CACNG3: variants seen among roughly 807,000 people sequenced by gnomAD.
CACNG3 encodes voltage-dependent calcium channel gamma-3 subunit.
CACNG3 carries 3 observed loss-of-function variants against 28.5 expected under a neutral mutation model. The observed-to-expected ratio is 0.11, with a 90% CI of 0.05 to 0.27. The LOEUF (loss-of-function observed/expected upper bound fraction) is 0.27. Among genes scored for constraint, CACNG3 ranks in the 10% least tolerant of loss-of-function variants. CACNG3 has a pLI of 1.00. For synonymous variants in CACNG3, 174 were observed against 162.2 expected (o/e 1.07, Z -0.55); for missense variants, 236 against 414.4 (o/e 0.57, Z 3.74).
chr16:24,265,710 A>G (rs1308224580), intron 1 of CACNG3, among the ~76,000 whole-genome samples: 1 of 152,240 alleles, frequency 6.6e-6, no homozygotes, highest in Admixed American at 6.5e-5. Context: ...ATATTTCATG[A>G]CAAATAAAAA....
chr16:24,312,920 GAAGAAAGAAAGAAAGA>G lies in CACNG3; in HGVS notation c.212-33793_212-33778del, dbSNP rs374395697. ...GGAAAGAAAGAAGGAAGGAAGGAAG[GAAGAAAGAAAGAAAGA>G]AAGAAAGAAAGAAAGAAAGAGAAAG... On this transcript the variant is annotated intron_variant, in intron 1 of 3. Coordinates refer to ENST00000005284, the MANE Select transcript of CACNG3 (RefSeq NM_006539.4). 1.5e-4 allele frequency among the ~76,000 whole-genome samples: 18 copies of G among 122,130 alleles called. No individual in the cohort carries two copies. In the South Asian group the frequency reaches 1.8e-3, roughly 12 times the overall value. 80.1% of individuals were successfully genotyped at this position (122,130 alleles called of 152,430 possible).
intron 1 of CACNG3, among the ~76,000 whole-genome samples, chr16:24,327,030 A>T (rs918472476): frequency 1.4e-5 from 2 of 138,750 alleles, no homozygotes; most frequent in African/African-American, 5.3e-5. Flanking sequence ...GGGATGAAGG[A>T]GGTGGCGGTA....
intron 1 of CACNG3, among the ~76,000 whole-genome samples, chr16:24,338,253 A>G (rs1256411332): frequency 6.6e-6 from 1 of 152,072 alleles, no homozygotes; most frequent in East Asian, 1.9e-4. Flanking sequence ...CTTCTGCAAC[A>G]ACCCTATCCA....
At chr16:24,351,557 C>T (rs181215343) in intron 2 of CACNG3, among the ~76,000 whole-genome samples, 2,399 of 125,070 alleles carry the variant, frequency 0.019, 63 homozygotes, top group African/African-American at 0.067. Flanking sequence ...GGTGACAGAG[C>T]GAGACTCCAT....
chr16:24,361,720 C>T lies in CACNG3; in HGVS notation c.805C>T (p.Arg269Trp), dbSNP rs757999426. Residue 269 changes from arginine to tryptophan, a missense_variant, in exon 4 of 4, where the codon CGG (arginine) becomes TGG (tryptophan). Arg to Trp is a moderately radical substitution (Grantham distance 101). Transcript: ENST00000005284. This position sits in a 1 kb window ranked among gnomAD's most constrained non-coding sequence, Gnocchi z 6.8. ...STDISMFTLS[R>W]DPSKITMGTL... ...TGACATCTCGATGTTCACCCTCTCCCGGGACCCCTCAAAGATCACCATGGG... is the reference window on the plus strand; with the variant it reads ...TGACATCTCGATGTTCACCCTCTCCTGGGACCCCTCAAAGATCACCATGGG... 3 of 1,614,028 alleles carry T rather than the reference C, an allele frequency of 1.9e-6. No individual in the cohort carries two copies. The highest frequency in any genetic ancestry group is 1.7e-6 in the Non-Finnish European group (2 of 1,180,002).
At chr16:24,296,918 A>G (rs995169284) in intron 1 of CACNG3, among the ~76,000 whole-genome samples, 1 of 152,184 alleles carries the variant, frequency 6.6e-6, no homozygotes, top group African/African-American at 2.4e-5. Flanking sequence ...TGCAGCCACA[A>G]GCAATGATCC....
At chr16:24,261,875 G>T in intron 1 of CACNG3, among the ~76,000 whole-genome samples, 1 of 152,098 alleles carries the variant, frequency 6.6e-6, no homozygotes, top group East Asian at 1.9e-4. Flanking sequence ...AGCCAGACGG[G>T]GTTTCAGCTT....
chr16:24,321,146 A>G (rs1360086819), intron 1 of CACNG3, among the ~76,000 whole-genome samples: 1 of 152,168 alleles, frequency 6.6e-6, no homozygotes, highest in East Asian at 1.9e-4. Flanking sequence ...GTAGATGCTA[A>G]CCACCTGTTA....
At chr16:24,320,626 T>C (rs1488220684) in intron 1 of CACNG3, among the ~76,000 whole-genome samples, 1 of 152,232 alleles carries the variant, frequency 6.6e-6, no homozygotes, top group African/African-American at 2.4e-5. Context: ...TATTTCACTG[T>C]GTTCTGTGCT....
chr16:24,359,518 C>T (rs1376150365), intron 3 of CACNG3, among the ~76,000 whole-genome samples: 1 of 151,982 alleles, frequency 6.6e-6, no homozygotes, highest in South Asian at 2.1e-4. Flanking sequence ...CAAATTTTAG[C>T]CCTGTACTCT....
At position 24,324,945 on chromosome 16, in the gene CACNG3, T is replaced by TG. The variant is rs762860172; in HGVS notation, c.212-21786dup. Among the ~76,000 whole-genome samples, 148 of 152,150 alleles carry TG rather than the reference T, an allele frequency of 9.7e-4. 3 individuals are homozygous for TG. The highest frequency in any genetic ancestry group is 2.6e-4 in the Non-Finnish European group (18 of 68,030). On this transcript the variant is annotated intron_variant, in intron 1 of 3. Transcript: ENST00000005284. ...AGACCTCCTCCCTGCCTCATCACCC[T>TG]GGGTCACTCTGAGCCCCTTATGTTG...
At chr16:24,312,509 G>A (rs951084132) in intron 1 of CACNG3, among the ~76,000 whole-genome samples, 1 of 152,042 alleles carries the variant, frequency 6.6e-6, no homozygotes, top group Non-Finnish European at 1.5e-5. Flanking sequence ...GAGCTGTTGT[G>A]AGGACTAAAT....
At chr16:24,346,285 T>C (rs1899865370) in intron 1 of CACNG3, among the ~76,000 whole-genome samples, 1 of 152,148 alleles carries the variant, frequency 6.6e-6, no homozygotes, top group Non-Finnish European at 1.5e-5. Context: ...AAACATGCTG[T>C]TGATGACTGA....
intron 1 of CACNG3, among the ~76,000 whole-genome samples, chr16:24,295,647 G>A (rs937180488): frequency 6.6e-6 from 1 of 152,018 alleles, no homozygotes; most frequent in Non-Finnish European, 1.5e-5. Flanking sequence ...AGGAGTTTGA[G>A]ACCAGCCTGG....
intron 3 of CACNG3, among the ~76,000 whole-genome samples, chr16:24,359,395 A>G (rs1900077132): frequency 6.6e-6 from 1 of 152,200 alleles, no homozygotes; most frequent in Admixed American, 6.5e-5. Context: ...AGGCTGACAC[A>G]GAGCTGGATG....
intron 3 of CACNG3, among the ~76,000 whole-genome samples, chr16:24,359,007 C>A (rs1387026736): frequency 6.6e-6 from 1 of 152,172 alleles, no homozygotes; most frequent in Non-Finnish European, 1.5e-5. Flanking sequence ...GGCTTCCTAT[C>A]AGTTTAATCT....
chr16:24,291,550 G>T (rs774890389), intron 1 of CACNG3, among the ~76,000 whole-genome samples: 2 of 152,158 alleles, frequency 1.3e-5, no homozygotes, highest in African/African-American at 2.4e-5. Flanking sequence ...TGAATGAAAG[G>T]CCACTTCAGG....
intron 1 of CACNG3, among the ~76,000 whole-genome samples, chr16:24,318,191 T>A (rs1395208756): frequency 7.2e-5 from 11 of 152,002 alleles, no homozygotes; most frequent in Admixed American, 3.3e-4. Flanking sequence ...CCTTTTGTAT[T>A]TTTTTTTTCA....
intron 1 of CACNG3, among the ~76,000 whole-genome samples, chr16:24,263,693 C>T (rs2141344272): frequency 6.6e-6 from 1 of 152,262 alleles, no homozygotes; most frequent in South Asian, 2.1e-4. Context: ...AATTTACTTA[C>T]CTGTGAAATG....
Sources: gnomAD v4.1 joint callset for allele counts (sites outside exome capture counted in the v4.1 genomes callset) on GRCh38, gnomAD v4.1.1 for gene constraint, Gnocchi (gnomAD v3.1) non-coding constraint, MANE v1.5 for transcripts, NCBI Gene and HGNC (gene_info 2026-07-23, HGNC 2026-07-21) for gene names.